Variants in FBXO3 observed in about 807,000 individuals in gnomAD.
FBXO3 encodes F-box protein 3.
A neutral mutation model predicts 64.8 loss-of-function variants in FBXO3; 17 were observed. That is an observed-to-expected ratio of 0.26 (90% CI 0.18 to 0.39). The LOEUF (loss-of-function observed/expected upper bound fraction) is 0.39, where lower values mean the gene tolerates loss of function less well. Among genes scored for constraint, FBXO3 ranks in the 10% least tolerant of loss-of-function variants. The pLI is 1.00. For missense variants in FBXO3, 420 were observed against 589.9 expected (o/e 0.71, Z 2.98); for synonymous variants, 182 against 201.6 (o/e 0.90, Z 0.82).
chr11:33,752,866 C>T (rs2133601292), intron 6 of FBXO3, among the ~76,000 whole-genome samples: 1 of 152,086 alleles, frequency 6.6e-6, no homozygotes, highest in South Asian at 2.1e-4. Flanking sequence ...TTGTGGTTTG[C>T]ATAAAAAAAA....
At chr11:33,774,178 C>A in intron 1 of FBXO3, 1 of 510,954 alleles carries the variant, frequency 2.0e-6, no homozygotes. Context: ...GCTTCTCATA[C>A]CTGGGCCCAG....
chr11:33,746,382 T>C (rs1854813083), intron 10 of FBXO3: 2 of 364,094 alleles, frequency 5.5e-6, no homozygotes, highest in African/African-American at 2.1e-5. Flanking sequence ...CAAAGTCTCA[T>C]TATCATCCTT....
At chr11:33,750,259 A>C (rs1463209441) in intron 8 of FBXO3, among the ~76,000 whole-genome samples, 1 of 152,212 alleles carries the variant, frequency 6.6e-6, no homozygotes, top group Non-Finnish European at 1.5e-5. Flanking sequence ...TACAACTTGA[A>C]GCTTTAATGA....
chr11:33,746,671 T>A lies in FBXO3; in HGVS notation c.1239+459A>T, dbSNP rs1043170268. ...TAAGGTAACCCTAAAAACGAGATTT[T>A]AAAAAATATACCTAGTTGACTTAAG... On this transcript the variant is annotated intron_variant, in intron 10 of 10. Transcript: ENST00000265651. The A allele has an allele frequency of 1.3e-5, 16 of 1,189,578 alleles. No individual in the cohort carries two copies. The African/African-American group carries it at 2.3e-4, about 17-fold the overall frequency. The allele number at this position is 1,189,578 out of a possible 1,614,324, so 73.7% of individuals were successfully genotyped here.
intron 4 of FBXO3, among the ~76,000 whole-genome samples, chr11:33,756,407 C>T (rs929580166): frequency 9.9e-5 from 15 of 152,156 alleles, no homozygotes; most frequent in Admixed American, 6.5e-5. Context: ...GCAGCTTAAA[C>T]CTTGTCCAAA....
chr11:33,748,279 A>G (rs926439636), intron 9 of FBXO3, among the ~76,000 whole-genome samples: 1 of 152,234 alleles, frequency 6.6e-6, no homozygotes, highest in Non-Finnish European at 1.5e-5. Flanking sequence ...AATTCTGTAT[A>G]TGCTTAGAAC....
At chr11:33,764,974 AAAAC>A (rs1017723208) in intron 3 of FBXO3, among the ~76,000 whole-genome samples, 1 of 152,180 alleles carries the variant, frequency 6.6e-6, no homozygotes, top group Non-Finnish European at 1.5e-5. Context: ...AACAAAAGCA[AAAAC>A]AAACAAACAA....
chr11:33,761,533 T>C (rs1029909872), intron 3 of FBXO3, among the ~76,000 whole-genome samples: 1 of 152,204 alleles, frequency 6.6e-6, no homozygotes, highest in Non-Finnish European at 1.5e-5. Context: ...CTTTAAAAAA[T>C]ATTTTTAAAT....
chr11:33,757,887 T>C (rs1403673853), intron 4 of FBXO3, among the ~76,000 whole-genome samples: 1 of 149,068 alleles, frequency 6.7e-6, no homozygotes, highest in African/African-American at 2.5e-5. Context: ...GCCAGGGGAG[T>C]CAAGGCTGCA....
At chr11:33,756,180 T>C (rs760155435) in intron 4 of FBXO3, among the ~76,000 whole-genome samples, 1 of 152,258 alleles carries the variant, frequency 6.6e-6, no homozygotes, top group African/African-American at 2.4e-5. Flanking sequence ...CTGATTTAAA[T>C]TGAAAATTAA....
At position 33,741,155 on chromosome 11, in the gene FBXO3, ATGT is replaced by A. The variant is rs1434911065; in HGVS notation, c.*750_*752del. On this transcript the variant is annotated 3_prime_UTR_variant, in exon 11 of 11. Transcript: ENST00000265651. The stretch of plus-strand genomic sequence containing the variant: ...TATTTACAAATTTAAACTACATGAG[ATGT>A]TGTGAACAATCTTTTGTTAATAAAC... The A allele has an allele frequency of 1.3e-5, 2 of 152,686 alleles. No homozygotes were observed. Among genetic ancestry groups the A allele is most frequent in the Non-Finnish European group, 2.9e-5 (2 of 68,044 alleles). 9.5% of individuals were successfully genotyped at this position (152,686 alleles called of 1,614,324 possible).
chr11:33,755,009 G>A (rs992425621), intron 5 of FBXO3, among the ~76,000 whole-genome samples: 3 of 151,872 alleles, frequency 2.0e-5, no homozygotes, highest in East Asian at 3.9e-4. Flanking sequence ...TGGGACTAAG[G>A]CATGCGCCAC....
rs1247078986 is a variant in FBXO3, at chr11:33,755,694, G to A, written c.678+77C>T. The A allele has an allele frequency of 1.9e-5, 21 of 1,084,762 alleles. No homozygotes were observed. The Admixed American group carries it at 2.4e-4, about 12-fold the overall frequency. The allele number at this position is 1,084,762 out of a possible 1,614,324, so 67.2% of individuals were successfully genotyped here. On this transcript the variant is annotated intron_variant, in intron 5 of 10. Transcript: ENST00000265651. Reference sequence around the variant, plus strand: ...TATTCTATACCCATTCTACAATCCTGAAAATACCTAATGCATGCATTTATA... The same window carrying A: ...TATTCTATACCCATTCTACAATCCTAAAAATACCTAATGCATGCATTTATA...
intron 3 of FBXO3, among the ~76,000 whole-genome samples, chr11:33,763,626 C>CAAAAAAAAAAAAA (rs33923647): frequency 9.7e-6 from 1 of 103,022 alleles, no homozygotes; most frequent in Non-Finnish European, 2.0e-5. Context: ...AGAATATCTA[C>CAAAAAAAAAAAAA]AAAAAAAAAA....
chr11:33,768,529 TAAAAA>T (rs912858004), intron 3 of FBXO3, among the ~76,000 whole-genome samples: 42 of 151,454 alleles, frequency 2.8e-4, no homozygotes, highest in African/African-American at 7.5e-4. Flanking sequence ...ATTTCACAAT[TAAAAA>T]AAAATCTTTT....
At chr11:33,752,328 ACT>A (rs1388669095) in intron 6 of FBXO3, among the ~76,000 whole-genome samples, 2 of 152,070 alleles carry the variant, frequency 1.3e-5, no homozygotes, top group South Asian at 2.1e-4. Flanking sequence ...ATTTAACATA[ACT>A]CTGTCAGACC....
rs1379859647 is a variant in FBXO3 at position 33,774,440 on chromosome 11, G to T, written c.58C>A (p.Pro20Thr). 2 of 1,603,054 alleles carry T rather than the reference G, an allele frequency of 1.2e-6. No individual in the cohort carries two copies. Among genetic ancestry groups the T allele is most frequent in the Non-Finnish European group, 1.7e-6 (2 of 1,175,086 alleles). The change falls in exon 1 of 11, where the codon CCC (proline) becomes ACC (threonine). Residue 20 changes from proline (P) to threonine (T), a missense_variant. Transcript: ENST00000265651. ...AAAAAGGATAAGATGAGGAGCAGGG[G>T]ATCGGTGGGCAGCGACTCTAGGGTC... is the stretch of plus-strand genomic sequence containing the variant. ...PLTLESLPTD[P>T]LLLILSFLDY...
At position 33,750,525 on chromosome 11, in the gene FBXO3, T is replaced by A; in HGVS notation, c.932+14A>T. The stretch of plus-strand genomic sequence containing the variant: ...CACCATTAACTGAAAGGTGACCCCA[T>A]TTAAAATTCTCACCTGATTCGGTAT... On this transcript the variant is annotated intron_variant, in intron 8 of 10. Transcript: ENST00000265651. 6.2e-7 allele frequency: 1 copy of A among 1,613,328 alleles called. No homozygotes were observed. Among genetic ancestry groups the A allele is most frequent in the Non-Finnish European group, 8.5e-7 (1 of 1,179,556 alleles).
intron 8 of FBXO3, 143 bp from the exon 9 acceptor site, chr11:33,749,035 T>C: frequency 2.0e-6 from 1 of 491,058 alleles, no homozygotes; most frequent in Non-Finnish European, 3.7e-6. Context: ...GTTAGCCATC[T>C]ATTTTTCTAA....
Sources: gnomAD v4.1 joint callset for allele counts (sites outside exome capture counted in the v4.1 genomes callset) on GRCh38, gnomAD v4.1.1 for gene constraint, MANE v1.5 for transcripts, NCBI Gene and HGNC (gene_info 2026-07-23, HGNC 2026-07-21) for gene names.